Variants in CSDE1 observed in about 807,000 individuals in gnomAD.
The protein encoded by CSDE1 is cold shock domain containing E1, also known as cold shock domain-containing protein E1.
Under a neutral mutation model 89.3 loss-of-function variants are expected in CSDE1, and 17 were observed. That is an observed-to-expected ratio of 0.19 (90% CI 0.13 to 0.29). The LOEUF is 0.29. Ranked by LOEUF, CSDE1 falls within the 10% of genes least tolerant of loss-of-function variation. The probability of loss-of-function intolerance (pLI) is 1.00; values close to 1 mark genes in which losing one functional copy is unlikely to be tolerated. For synonymous variants in CSDE1, 322 were observed against 332.8 expected (o/e 0.97, Z 0.35); for missense variants, 672 against 984.2 (o/e 0.68, Z 4.24).
intron 5 of CSDE1, 43 bp from the exon 6 acceptor site, chr1:114,736,898 T>A (rs1310527764): frequency 1.4e-6 from 2 of 1,416,716 alleles, no homozygotes; most frequent in Admixed American, 1.7e-5. Context: ...GCAGGATGCA[T>A]ATTCACTGTA....
At position 114,739,812 on chromosome 1, in the gene CSDE1, T is replaced by C; in HGVS notation, c.79A>G (p.Thr27Ala). 1 of 1,614,062 alleles carries C rather than the reference T, an allele frequency of 6.2e-7. No homozygotes were observed. The highest frequency in any genetic ancestry group is 8.5e-7 in the Non-Finnish European group (1 of 1,179,920). The change falls in exon 3 of 20, where the codon ACT becomes GCT. Residue 27 changes from threonine (T) to alanine (A), a missense_variant. Thr to Ala is a moderately conservative substitution (Grantham distance 58). Transcript: ENST00000358528. Reference sequence around the variant, plus strand: ...GTTAACAGTTTTTCAATAACCCCAGTTTCACGCAGTGCTGCTGAAGTACCA... The same window carrying C: ...GTTAACAGTTTTTCAATAACCCCAGCTTCACGCAGTGCTGCTGAAGTACCA... ...PNGTSAALRE[T>A]GVIEKLLTSY...
At chr1:114,723,281 A>G (rs1410195915) in intron 16 of CSDE1, among the ~76,000 whole-genome samples, 3 of 152,224 alleles carry the variant, frequency 2.0e-5, no homozygotes, top group Non-Finnish European at 4.4e-5. Context: ...TTTTATGCAT[A>G]CAGATCATAC....
chr1:114,742,468 G>C lies in CSDE1; in HGVS notation c.1-2578C>G, dbSNP rs533437369. On this transcript the variant is annotated intron_variant, in intron 2 of 19. Transcript: ENST00000358528. ...ATGGTGGCATGGGTCTGTAGTCCCA[G>C]CTACTCAGGAGGGGGAGGCATGAGA... 2.0e-5 allele frequency among the ~76,000 whole-genome samples: 3 copies of C among 152,292 alleles called. No homozygotes were observed. The East Asian group carries it at 5.8e-4, about 29-fold the overall frequency.
At chr1:114,746,726 TACTA>T (rs1366574955) in intron 2 of CSDE1, 1 of 152,210 alleles carries the variant, frequency 6.6e-6, no homozygotes, top group Non-Finnish European at 1.5e-5. Flanking sequence ...ATCAGTCTCT[TACTA>T]ACTGCTATCC....
rs1196482935 is a variant in CSDE1, at chr1:114,749,916, A to T, written c.-96T>A. ...AAGGATGAAAGTTGCTAGTATTAAA[A>T]AAAAGAGCGAGAGAAAATGATCTAC... On this transcript the variant is annotated 5_prime_UTR_variant, in exon 2 of 20. Coordinates refer to ENST00000358528, the MANE Select transcript of CSDE1 (RefSeq NM_001007553.3). The T allele has an allele frequency of 6.6e-6, 1 of 152,628 alleles. No homozygotes were observed. Among genetic ancestry groups the T allele is most frequent in the Admixed American group, 6.5e-5 (1 of 15,276 alleles). The allele number at this position is 152,628 out of a possible 1,614,324, so 9.5% of individuals were successfully genotyped here.
At position 114,739,829 on chromosome 1, in the gene CSDE1, G is replaced by A; in HGVS notation, c.62C>T (p.Ser21Leu). ...AACCCCAGTTTCACGCAGTGCTGCT[G>A]AAGTACCATTAGGGTACCCATTATG... is the stretch of plus-strand genomic sequence containing the variant. ...NGHNGYPNGT[S>L]AALRETGVIE... The change falls in exon 3 of 20, where the codon TCA (serine) becomes TTA (leucine). Residue 21 changes from serine (S) to leucine (L), a missense_variant. By Grantham distance (145) the Ser-to-Leu change is moderately radical. Around this residue, in one of 8 missense-constraint regions of CSDE1, gnomAD observed 26 missense variants for 24.3 expected, o/e 1.07. Coordinates refer to ENST00000358528, the MANE Select transcript of CSDE1 (RefSeq NM_001007553.3). 1 of 1,614,106 alleles carries A rather than the reference G, an allele frequency of 6.2e-7. No individual in the cohort carries two copies. Among genetic ancestry groups the A allele is most frequent in the South Asian group, 1.1e-5 (1 of 91,088 alleles).
At chr1:114,718,493 T>A in intron 19 of CSDE1, 120 bp downstream of exon 19, 1 of 1,348,576 alleles carries the variant, frequency 7.4e-7, no homozygotes, top group Non-Finnish European at 1.0e-6. Context: ...CCTAACTAGT[T>A]ATAAGCAATA....
intron 2 of CSDE1, chr1:114,741,588 G>C: frequency 6.4e-7 from 1 of 1,550,606 alleles, no homozygotes; most frequent in Non-Finnish European, 8.7e-7. Context: ...AGAAGATGAA[G>C]ATAAGGGTAA....
chr1:114,723,957 T>C lies in CSDE1; in HGVS notation c.1799A>G (p.Lys600Arg). The change falls in exon 16 of 20, where the codon AAA becomes AGA. Residue 600 changes from lysine to arginine, a missense_variant. Around this residue, in one of 8 missense-constraint regions of CSDE1, gnomAD observed 206 missense variants for 332.4 expected, o/e 0.62. Coordinates refer to ENST00000358528, the MANE Select transcript of CSDE1 (RefSeq NM_001007553.3). ...EEADPTIYSG[K>R]VIRPLRSVDP... ...AACACTCCTCAGGGGGCGAATTACTTTGCCAGAGTAAATGGTGGGATCAGC... is the reference window on the plus strand; with the variant it reads ...AACACTCCTCAGGGGGCGAATTACTCTGCCAGAGTAAATGGTGGGATCAGC... 1 of 1,614,052 alleles carries C rather than the reference T, an allele frequency of 6.2e-7. No individual in the cohort carries two copies. The highest frequency in any genetic ancestry group is 1.7e-5 in the Admixed American group (1 of 60,020).
intron 1 of CSDE1, among the ~76,000 whole-genome samples, chr1:114,751,862 C>T (rs1438326537): frequency 6.6e-6 from 1 of 152,176 alleles, no homozygotes; most frequent in African/African-American, 2.4e-5. Context: ...TTGTATTCAT[C>T]TCTTATCCTA....
intron 2 of CSDE1, among the ~76,000 whole-genome samples, chr1:114,740,915 A>T (rs960269348): frequency 6.6e-6 from 1 of 152,242 alleles, no homozygotes; most frequent in African/African-American, 2.4e-5. Context: ...TATTAATAAA[A>T]AGGATATATT....
At chr1:114,725,083 C>G (rs1311061556) in intron 15 of CSDE1, 138 bp downstream of exon 15, 6 of 699,720 alleles carry the variant, frequency 8.6e-6, no homozygotes, top group African/African-American at 3.5e-5. Flanking sequence ...TAACAAGCAA[C>G]CAGGTGATGC....
At chr1:114,754,814 A>C (rs1014964019) in intron 1 of CSDE1, among the ~76,000 whole-genome samples, 2 of 152,246 alleles carry the variant, frequency 1.3e-5, no homozygotes, top group Non-Finnish European at 2.9e-5. Context: ...TAATTATCTA[A>C]ACAGCTACTG....
rs971862057 is a variant in CSDE1 at position 114,717,827 on chromosome 1, G to C, written c.*342C>G. On this transcript the variant is annotated 3_prime_UTR_variant, in exon 20 of 20. Coordinates refer to ENST00000358528, the MANE Select transcript of CSDE1 (RefSeq NM_001007553.3). Reference sequence around the variant, plus strand: ...ATAATGAAAAGTGCAGAATTTCATAGGGCCAACAAGATAACAGTCTATATT... The same window carrying C: ...ATAATGAAAAGTGCAGAATTTCATACGGCCAACAAGATAACAGTCTATATT... 1.1e-5 allele frequency: 3 copies of C among 271,602 alleles called. No homozygotes were observed. The highest frequency in any genetic ancestry group is 6.7e-5 in the African/African-American group (3 of 45,072). The allele number at this position is 271,602 out of a possible 1,614,324, so 16.8% of individuals were successfully genotyped here.
rs560545162 is a variant in CSDE1 at position 114,720,683 on chromosome 1, G to A, written c.1908C>T (p.Ile636=). Residue 636 remains isoleucine (I), a synonymous_variant, in exon 17 of 20, where the codon ATC becomes ATT. Coordinates refer to ENST00000358528, the MANE Select transcript of CSDE1 (RefSeq NM_001007553.3). ...DMKGEVYPFG[I]VGMANKGDCL... is the part of the protein sequence containing the mutation. ...AATCCCCTTTGTTGGCCATCCCAAC[G>A]ATGCCAAATGGATAGACCTCACCTT... The A allele has an allele frequency of 2.7e-5, 44 of 1,614,146 alleles. No homozygotes were observed. The highest frequency in any genetic ancestry group is 2.7e-4 in the Admixed American group (16 of 60,022).
chr1:114,718,519 T>C, intron 19 of CSDE1, 94 bp downstream of exon 19: 1 of 1,492,368 alleles, frequency 6.7e-7, no homozygotes, highest in Non-Finnish European at 9.0e-7. Context: ...GTCTCCCTGC[T>C]TCATTAAGTT....
intron 16 of CSDE1, among the ~76,000 whole-genome samples, chr1:114,722,079 G>A (rs1016440401): frequency 3.3e-5 from 5 of 152,006 alleles, no homozygotes; most frequent in East Asian, 1.9e-4. Flanking sequence ...ACAGGGTTTC[G>A]CCATGTTGGC....
In CSDE1 at chr1:114,718,084, G is replaced by T; in HGVS notation, c.*85C>A. 1.4e-6 allele frequency: 2 copies of T among 1,380,222 alleles called. No individual in the cohort carries two copies. Among genetic ancestry groups the T allele is most frequent in the Non-Finnish European group, 2.1e-6 (2 of 970,218 alleles). 85.5% of individuals were successfully genotyped at this position (1,380,222 alleles called of 1,614,324 possible). On this transcript the variant is annotated 3_prime_UTR_variant, in exon 20 of 20. Coordinates refer to ENST00000358528, the MANE Select transcript of CSDE1 (RefSeq NM_001007553.3). ...AATAAGTATTCCAGATTTCGGGAGG[G>T]ATGAAGAGGGAGATATTCAGAACCC...
intron 2 of CSDE1, among the ~76,000 whole-genome samples, chr1:114,746,018 T>TC (rs923529416): frequency 6.6e-6 from 1 of 152,142 alleles, no homozygotes; most frequent in African/African-American, 2.4e-5. Flanking sequence ...AAGTTGTTTT[T>TC]CCCCCCTAAT....
Sources: gnomAD v4.1 joint callset for allele counts (sites outside exome capture counted in the v4.1 genomes callset) on GRCh38, gnomAD v4.1.1 for gene constraint, gnomAD v4.1.1 regional missense constraint, MANE v1.5 for transcripts, NCBI Gene and HGNC (gene_info 2026-07-23, HGNC 2026-07-21) for gene names.